The following BEX1 variants were observed in gnomAD, a reference collection of about 807,000 sequenced individuals.
BEX1 encodes the protein brain expressed X-linked 1.
For missense variants in BEX1, 86 were observed against 99.2 expected (o/e 0.87, Z 0.57); for synonymous variants, 41 against 33.4 (o/e 1.23, Z -0.79).
In BEX1 at chrX:103,063,747, G is replaced by A. The variant is rs916110573; in HGVS notation, c.-95-16C>T. The A allele has an allele frequency of 3.4e-5, 5 of 146,085 alleles. No individual in the cohort carries two copies. The highest frequency in any genetic ancestry group is 5.4e-5 in the Non-Finnish European group (4 of 74,700). 12.0% of individuals were successfully genotyped at this position (146,085 alleles called of 1,213,427 possible). ...TGCAGAAGGGCTGGGGTGTGGGGAG[G>A]GGGGGCTGCTGCAGCGGAACGCTAG... On this transcript the variant is annotated splice_polypyrimidine_tract_variant and intron_variant, in intron 1 of 2. Transcript: ENST00000372728.
chrX:103,063,476 C>A (rs1353539448), intron 2 of BEX1, among the ~76,000 whole-genome samples, 166 bp downstream of exon 2: 1 of 90,097 alleles, frequency 1.1e-5, no homozygotes, highest in East Asian at 3.8e-4. Context: ...GCCCCCCCCC[C>A]CACCTCTCGT....
At position 103,062,869 on chromosome X, in the gene BEX1, G is replaced by T; in HGVS notation, c.*28C>A. 8.3e-7 allele frequency: 1 copy of T among 1,203,653 alleles called. No individual in the cohort carries two copies. The highest frequency in any genetic ancestry group is 1.1e-6 in the Non-Finnish European group (1 of 890,351). On this transcript the variant is annotated 3_prime_UTR_variant, in exon 3 of 3. Transcript: ENST00000372728. ...AATTCGAAAGCAGGGGTCTGTTTCC[G>T]TAATAACTTTAGGGAAACCATCAGG...
intron 2 of BEX1, 28 bp from the exon 3 acceptor site, chrX:103,063,307 C>T (rs768066759): frequency 8.4e-7 from 1 of 1,187,875 alleles, no homozygotes; most frequent in South Asian, 1.9e-5. Flanking sequence ...AGAGAAGGGG[C>T]TGAACAGCTG....
In BEX1 at chrX:103,063,264, T is replaced by C; in HGVS notation, c.11A>G (p.Lys4Arg). 8.3e-7 allele frequency: 1 copy of C among 1,208,830 alleles called. No individual in the cohort carries two copies. The highest frequency in any genetic ancestry group is 1.1e-6 in the Non-Finnish European group (1 of 894,271). MES[K>R]EKRAVNSLSM... ...GAGACTGTTTACTGCTCGTTTCTCT[T>C]TGGACTCCATTACTCCTAGGAGACA... Residue 4 changes from lysine (K) to arginine (R), a missense_variant, in exon 3 of 3, where the codon AAA becomes AGA. Physicochemically the swap from Lys to Arg is conservative, Grantham distance 26. Transcript: ENST00000372728.
In BEX1 at chrX:103,063,097, G is replaced by C. The variant is rs138219242; in HGVS notation, c.178C>G (p.Leu60Val). ...TGCATCATATCCCATCTATACTGCA[G>C]GATGGGCTGCCTAACGCGGAACCGC... ...RRRFRVRQPILQYRWDMMHRL... is the reference protein window; with the variant it reads ...RRRFRVRQPIVQYRWDMMHRL... Residue 60 changes from leucine to valine, a missense_variant, in exon 3 of 3, where the codon CTG (leucine) becomes GTG (valine). Coordinates refer to ENST00000372728, the MANE Select transcript of BEX1 (RefSeq NM_018476.4). 1.5e-4 allele frequency: 177 copies of C among 1,209,917 alleles called. No homozygotes were observed. Among genetic ancestry groups the C allele is most frequent in the Non-Finnish European group, 1.8e-4 (159 of 895,216 alleles).
rs776249562 is a variant in BEX1, at chrX:103,063,046, T to C, written c.229A>G (p.Met77Val). 3 of 1,209,499 alleles carry C rather than the reference T, an allele frequency of 2.5e-6. No homozygotes were observed. In the African/African-American group the frequency reaches 5.3e-5, roughly 21 times the overall value. Reference protein sequence around the residue: ...MHRLGEPQARMREENMERIGE... With the variant: ...MHRLGEPQARVREENMERIGE... ...ATCCTTTCCATATTCTCTTCTCTCA[T>C]CCTTGCCTGTGGTTCTCCAAGCCTA... is the stretch of plus-strand genomic sequence containing the variant. Residue 77 changes from methionine (M) to valine (V), a missense_variant, in exon 3 of 3, where the codon ATG becomes GTG. Met to Val is a conservative substitution (Grantham distance 21, BLOSUM62 1). Transcript: ENST00000372728.
At position 103,063,170 on chromosome X, in the gene BEX1, G is replaced by A. The variant is rs1921586884; in HGVS notation, c.105C>T (p.Ala35=). Residue 35 remains alanine, a synonymous_variant, in exon 3 of 3, where the codon GCC becomes GCT. Coordinates refer to ENST00000372728, the MANE Select transcript of BEX1 (RefSeq NM_018476.4). ...EQVANKGEPL[A]LPLDAGEYCV... ...AGTATTCACCAGCATCCAAAGGGAG[G>A]GCCAAGGGCTCCCCTTTATTAGCAA... 5.8e-6 allele frequency: 7 copies of A among 1,209,614 alleles called. No individual in the cohort carries two copies. The highest frequency in any genetic ancestry group is 1.8e-5 in the African/African-American group (1 of 57,036).
Position 103,063,687 on chromosome X carries a change from G to A in BEX1, c.-51C>T. 2 of 186,739 alleles carry A rather than the reference G, an allele frequency of 1.1e-5. No individual in the cohort carries two copies. The highest frequency in any genetic ancestry group is 1.3e-4 in the East Asian group (1 of 7,640). The allele number at this position is 186,739 out of a possible 1,213,427, so 15.4% of individuals were successfully genotyped here. A position where few individuals can be genotyped will look rare whatever the true frequency, so the allele number is the denominator to read the frequency against. On this transcript the variant is annotated 5_prime_UTR_variant, in exon 2 of 3. Transcript: ENST00000372728. ...TCCTCCTTCTCCCGATTCTCGCCAC[G>A]AGGTGCGCCGCCGGGACACTTGGCC...
In BEX1 at chrX:103,062,789, C is replaced by G. The variant is rs1222235672; in HGVS notation, c.*108G>C. 2 of 1,055,104 alleles carry G rather than the reference C, an allele frequency of 1.9e-6. No individual in the cohort carries two copies. 87.0% of individuals were successfully genotyped at this position (1,055,104 alleles called of 1,213,427 possible). ...AATTAGAAGCTGGTAATAGGAGACC[C>G]ACGTAAACAAGTGACAGGTAAAGGT... is the stretch of plus-strand genomic sequence containing the variant. On this transcript the variant is annotated 3_prime_UTR_variant, in exon 3 of 3. Transcript: ENST00000372728.
In BEX1 at chrX:103,062,773, C is replaced by G. The variant is rs1921575200; in HGVS notation, c.*124G>C. Reference sequence around the variant, plus strand: ...CAAAAACACAATATTCAATTAGAAGCTGGTAATAGGAGACCCACGTAAACA... The same window carrying G: ...CAAAAACACAATATTCAATTAGAAGGTGGTAATAGGAGACCCACGTAAACA... On this transcript the variant is annotated 3_prime_UTR_variant, in exon 3 of 3. Coordinates refer to ENST00000372728, the MANE Select transcript of BEX1 (RefSeq NM_018476.4). The G allele has an allele frequency of 1.0e-6, 1 of 961,333 alleles. No individual in the cohort carries two copies. The highest frequency in any genetic ancestry group is 1.4e-6 in the Non-Finnish European group (1 of 706,801). The allele number at this position is 961,333 out of a possible 1,213,427, so 79.2% of individuals were successfully genotyped here. A position where few individuals can be genotyped will look rare whatever the true frequency, so the allele number is the denominator to read the frequency against.
chrX:103,064,159 G>A lies in BEX1; in HGVS notation c.-159C>T. The A allele has an allele frequency of 2.0e-6, 1 of 506,809 alleles. No homozygotes were observed. Among genetic ancestry groups the A allele is most frequent in the Non-Finnish European group, 2.4e-6 (1 of 411,548 alleles). 41.8% of individuals were successfully genotyped at this position (506,809 alleles called of 1,213,427 possible). On this transcript the variant is annotated 5_prime_UTR_variant, in exon 1 of 3. Transcript: ENST00000372728. ...AGCGCAGGGCAGCGGGGAGCTGGTA[G>A]CGAGACACGAGTGACGACTGCACCG...
Position 103,063,068 on chromosome X carries a change from C to G in BEX1, c.207G>C (p.Arg69Ser). 3.3e-6 allele frequency: 4 copies of G among 1,211,883 alleles called. No homozygotes were observed. The highest frequency in any genetic ancestry group is 4.5e-6 in the Non-Finnish European group (4 of 895,590). ...ILQYRWDMMH[R>S]LGEPQARMRE... ...TCATCCTTGCCTGTGGTTCTCCAAGCCTATGCATCATATCCCATCTATACT... is the reference window on the plus strand; with the variant it reads ...TCATCCTTGCCTGTGGTTCTCCAAGGCTATGCATCATATCCCATCTATACT... The change falls in exon 3 of 3, where the codon AGG becomes AGC. Residue 69 changes from arginine (R) to serine (S), a missense_variant. By Grantham distance (110) the Arg-to-Ser change is moderately radical. Transcript: ENST00000372728.
chrX:103,064,128 C>G lies in BEX1; in HGVS notation c.-128G>C, dbSNP rs16984227. The G allele has an allele frequency of 0.22, 112,694 of 503,770 alleles. 11,608 individuals are homozygous for G. The highest frequency in any genetic ancestry group is 0.24 in the Non-Finnish European group (98,133 of 410,060). The allele number at this position is 503,770 out of a possible 1,213,427, so 41.5% of individuals were successfully genotyped here. A position where few individuals can be genotyped will look rare whatever the true frequency, so the allele number is the denominator to read the frequency against. ...GCTTTCCCCCGGGCCGGATGCCAGC[C>G]CGCCGAGCGCAGGGCAGCGGGGAGC... On this transcript the variant is annotated 5_prime_UTR_variant, in exon 1 of 3. Coordinates refer to ENST00000372728, the MANE Select transcript of BEX1 (RefSeq NM_018476.4).
chrX:103,062,675 A>G lies in BEX1; in HGVS notation c.*222T>C. 1 of 419,481 alleles carries G rather than the reference A, an allele frequency of 2.4e-6. No individual in the cohort carries two copies. The highest frequency in any genetic ancestry group is 3.9e-6 in the Non-Finnish European group (1 of 253,405). 34.6% of individuals were successfully genotyped at this position (419,481 alleles called of 1,213,427 possible). ...ATTGCTTTTTAAAGGTGCTTTATTA[A>G]CTTCACTATAATGAGCATCTTTCCA... On this transcript the variant is annotated 3_prime_UTR_variant, in exon 3 of 3. Coordinates refer to ENST00000372728, the MANE Select transcript of BEX1 (RefSeq NM_018476.4).
At chrX:103,063,818 T>C (rs1343921690) in intron 1 of BEX1, 87 bp from the exon 2 acceptor site, 3 of 121,223 alleles carry the variant, frequency 2.5e-5, no homozygotes, top group Non-Finnish European at 5.1e-5. Context: ...GCCCCGCGTC[T>C]CCCGCCCCCC....
Position 103,064,163 on chromosome X carries a change from G to T in BEX1, c.-163C>A. 2.0e-6 allele frequency: 1 copy of T among 495,946 alleles called. No individual in the cohort carries two copies. Among genetic ancestry groups the T allele is most frequent in the Non-Finnish European group, 2.5e-6 (1 of 401,582 alleles). The allele number at this position is 495,946 out of a possible 1,213,427, so 40.9% of individuals were successfully genotyped here. A position where few individuals can be genotyped will look rare whatever the true frequency, so the allele number is the denominator to read the frequency against. The stretch of plus-strand genomic sequence containing the variant: ...CAGGGCAGCGGGGAGCTGGTAGCGA[G>T]ACACGAGTGACGACTGCACCGAAGG... On this transcript the variant is annotated 5_prime_UTR_variant, in exon 1 of 3. Coordinates refer to ENST00000372728, the MANE Select transcript of BEX1 (RefSeq NM_018476.4).
At chrX:103,063,958 C>T (rs2147580794) in intron 1 of BEX1, 138 bp downstream of exon 1, 1 of 115,264 alleles carries the variant, frequency 8.7e-6, no homozygotes, top group African/African-American at 3.2e-5. Context: ...TTCCCCACCC[C>T]AGGGGACCAC....
Position 103,062,859 on chromosome X carries a change from G to T in BEX1, c.*38C>A, listed in dbSNP as rs199851519. Reference sequence around the variant, plus strand: ...TGAACATGTAAATTCGAAAGCAGGGGTCTGTTTCCGTAATAACTTTAGGGA... The same window carrying T: ...TGAACATGTAAATTCGAAAGCAGGGTTCTGTTTCCGTAATAACTTTAGGGA... On this transcript the variant is annotated 3_prime_UTR_variant, in exon 3 of 3. Transcript: ENST00000372728. 7.5e-6 allele frequency: 9 copies of T among 1,197,322 alleles called. No homozygotes were observed. Among genetic ancestry groups the T allele is most frequent in the Non-Finnish European group, 1.1e-6 (1 of 887,708 alleles).
chrX:103,063,052 C>T lies in BEX1; in HGVS notation c.223G>A (p.Ala75Thr). 1 of 1,211,784 alleles carries T rather than the reference C, an allele frequency of 8.3e-7. No individual in the cohort carries two copies. Among genetic ancestry groups the T allele is most frequent in the Admixed American group, 2.2e-5 (1 of 46,030 alleles). ...TCCATATTCTCTTCTCTCATCCTTG[C>T]CTGTGGTTCTCCAAGCCTATGCATC... ...DMMHRLGEPQ[A>T]RMREENMERI... The change falls in exon 3 of 3, where the codon GCA (alanine) becomes ACA (threonine). Residue 75 changes from alanine to threonine, a missense_variant. Ala to Thr is a moderately conservative substitution (Grantham distance 58, BLOSUM62 0). Coordinates refer to ENST00000372728, the MANE Select transcript of BEX1 (RefSeq NM_018476.4).
Sources: allele counts gnomAD v4.1 joint callset (sites outside exome capture counted in the v4.1 genomes callset), GRCh38; gene constraint gnomAD v4.1.1; transcripts MANE v1.5; gene names NCBI Gene and HGNC (gene_info 2026-07-23, HGNC 2026-07-21).